Variants in RPH3AL observed in about 807,000 individuals in gnomAD.
RPH3AL encodes rab effector Noc2.
A neutral mutation model predicts 43.1 loss-of-function variants in RPH3AL; 38 were observed. That is an observed-to-expected ratio of 0.88 (90% CI 0.68 to 1.15). The LOEUF is 1.15. Among genes scored for constraint, RPH3AL ranks in the 50% most tolerant of loss-of-function variants. The probability of loss-of-function intolerance (pLI) is 0.00; values close to 1 mark genes in which losing one functional copy is unlikely to be tolerated. For missense variants in RPH3AL, 462 were observed against 423.2 expected, an observed-to-expected ratio of 1.09 and a Z score of -0.81; for synonymous variants, 189 against 176.3, an observed-to-expected ratio of 1.07 and a Z score of -0.57.
At chr17:298,013 C>T (rs184747702) in intron 5 of RPH3AL, among the ~76,000 whole-genome samples, 143 of 152,294 alleles carry the variant, frequency 9.4e-4, no homozygotes, top group Non-Finnish European at 8.8e-4. Flanking sequence ...AAGCCCACCA[C>T]GCCAGCCCCA....
intron 7 of RPH3AL, among the ~76,000 whole-genome samples, chr17:226,386 A>C (rs2041107495): frequency 6.6e-6 from 1 of 152,248 alleles, no homozygotes; most frequent in Admixed American, 6.5e-5. Flanking sequence ...GCCGTGAAGA[A>C]GCAGGGAAGA....
At chr17:315,118 A>G (rs199594117) in intron 5 of RPH3AL, among the ~76,000 whole-genome samples, 5 of 540 alleles carry the variant, frequency 9.3e-3, no homozygotes, top group Non-Finnish European at 0.016. Context: ...ACCTCCATTG[A>G]CCTGTAGTCT....
At chr17:266,859 G>A (rs1438729318) in intron 6 of RPH3AL, among the ~76,000 whole-genome samples, 1 of 152,230 alleles carries the variant, frequency 6.6e-6, no homozygotes, top group East Asian at 1.9e-4. Flanking sequence ...ACAATTACCG[G>A]TAAGGAGCAT....
Position 323,680 on chromosome 17 carries a change from T to A in RPH3AL, c.78-2265A>T, listed in dbSNP as rs1381804035. 6.6e-6 allele frequency among the ~76,000 whole-genome samples: 1 copy of A among 152,112 alleles called. No homozygotes were observed. Among genetic ancestry groups the A allele is most frequent in the Non-Finnish European group, 1.5e-5 (1 of 68,016 alleles). On this transcript the variant is annotated intron_variant, in intron 3 of 9. Transcript: ENST00000331302. The surrounding 1 kb of genome is among the most constrained non-coding windows in gnomAD (Gnocchi z 4.4). ...ACACACAGAAGGAGGGACAGAAGCA[T>A]CAGCACCGCCACCACTGCCTGTCCT...
intron 6 of RPH3AL, among the ~76,000 whole-genome samples, chr17:252,831 G>C (rs1008788389): frequency 6.6e-6 from 1 of 152,186 alleles, no homozygotes; most frequent in Admixed American, 6.5e-5. Context: ...TCCCAAATCT[G>C]AAAATCCAAA....
At chr17:336,056 G>A (rs1413358874) in intron 1 of RPH3AL, 4 of 14,158 alleles carry the variant, frequency 2.8e-4, no homozygotes, top group Non-Finnish European at 8.7e-4. Flanking sequence ...TTAGAGGAGG[G>A]AAAAGAAGCT....
In RPH3AL at chr17:343,884, C is replaced by A. The variant is rs374860793; in HGVS notation, c.-213+8828G>T. On this transcript the variant is annotated intron_variant, in intron 1 of 9. Transcript: ENST00000331302. ...AACACAACCAGCACAAAGCCTGTCA[C>A]AGTGTGCATTCTCAGGGTAGGGCCA... 5.3e-5 allele frequency among the ~76,000 whole-genome samples: 8 copies of A among 152,180 alleles called. No homozygotes were observed. In the East Asian group the frequency reaches 1.2e-3, roughly 22 times the overall value.
intron 8 of RPH3AL, among the ~76,000 whole-genome samples, chr17:217,130 A>G (rs1470334082): frequency 2.8e-5 from 4 of 141,916 alleles, no homozygotes; most frequent in Non-Finnish European, 4.6e-5. Context: ...AGGACCCCCA[A>G]GGCATTTAGT....
At chr17:332,036 T>TG (rs1567530795) in intron 2 of RPH3AL, 1 of 427,698 alleles carries the variant, frequency 2.3e-6, no homozygotes, top group South Asian at 1.9e-5. Context: ...GGTGGAGCTC[T>TG]GGGGGGAGCA....
intron 1 of RPH3AL, among the ~76,000 whole-genome samples, chr17:352,280 C>A (rs1026624688): frequency 3.3e-5 from 5 of 152,176 alleles, no homozygotes; most frequent in Non-Finnish European, 4.4e-5. Context: ...GATGCGTGGC[C>A]CCCATTCTCT....
At chr17:321,009 C>T (rs2044455085) in intron 4 of RPH3AL, among the ~76,000 whole-genome samples, 1 of 152,224 alleles carries the variant, frequency 6.6e-6, no homozygotes, top group African/African-American at 2.4e-5. Context: ...TCACCAGGCT[C>T]ATTCACGCCC....
chr17:291,739 C>A (rs182236865), intron 5 of RPH3AL, among the ~76,000 whole-genome samples: 1 of 151,996 alleles, frequency 6.6e-6, no homozygotes, highest in Non-Finnish European at 1.5e-5. Context: ...AGAAAAGTGA[C>A]GAAATGACAA....
At position 281,803 on chromosome 17, in the gene RPH3AL, G is replaced by T. The variant is rs1312005506; in HGVS notation, c.403C>A (p.Leu135Met). 1 of 1,614,150 alleles carries T rather than the reference G, an allele frequency of 6.2e-7. No homozygotes were observed. Among genetic ancestry groups the T allele is most frequent in the Admixed American group, 1.7e-5 (1 of 60,028 alleles). ...IEASPGQKRPLWLCKICSEQR... is the reference protein window; with the variant it reads ...IEASPGQKRPMWLCKICSEQR... ...TCACTGCAGATCTTACACAGCCACAGGGGCCGCTTCTGGCCAGGGGAGGCC... is the reference window on the plus strand; with the variant it reads ...TCACTGCAGATCTTACACAGCCACATGGGCCGCTTCTGGCCAGGGGAGGCC... Residue 135 changes from leucine (L) to methionine (M), a missense_variant, in exon 6 of 10, where the codon CTG becomes ATG. By Grantham distance (15) the Leu-to-Met change is conservative. Coordinates refer to ENST00000331302, the MANE Select transcript of RPH3AL (RefSeq NM_006987.4).
intron 2 of RPH3AL, chr17:331,484 C>A: frequency 9.3e-7 from 1 of 1,076,262 alleles, no homozygotes; most frequent in East Asian, 6.0e-5. Context: ...CGGCTGTGCA[C>A]CCCCACCCTG....
intron 3 of RPH3AL, among the ~76,000 whole-genome samples, chr17:324,702 G>GCTAGCTAGCTAGCTATCTATCTAT (rs1301592247): frequency 2.2e-4 from 26 of 119,924 alleles, no homozygotes; most frequent in South Asian, 7.8e-4. Flanking sequence ...TAGCTAGCTA[G>GCTAGCTAGCTAGCTATCTATCTAT]CTATGTACCT....
chr17:243,956 CCTT>C (rs2041670566), intron 7 of RPH3AL, among the ~76,000 whole-genome samples: 2 of 143,740 alleles, frequency 1.4e-5, no homozygotes, highest in African/African-American at 5.4e-5. Context: ...TACTGATTAC[CCTT>C]CCTCTACTGA....
chr17:345,706 C>G lies in RPH3AL; in HGVS notation c.-213+7006G>C, dbSNP rs558939847. 1.9e-4 allele frequency among the ~76,000 whole-genome samples: 23 copies of G among 120,790 alleles called. 3 individuals are homozygous for G. Among genetic ancestry groups the G allele is most frequent in the African/African-American group, 4.6e-4 (17 of 36,864 alleles). The allele number at this position is 120,790 out of a possible 152,430, so 79.2% of individuals were successfully genotyped here. A position where few individuals can be genotyped will look rare whatever the true frequency, so the allele number is the denominator to read the frequency against. On this transcript the variant is annotated intron_variant, in intron 1 of 9. Transcript: ENST00000331302. Reference sequence around the variant, plus strand: ...CACACCCTGCTGGGGCACGCGTGCTCCCCATCTGCGTGCATACCCTACTGG... The same window carrying G: ...CACACCCTGCTGGGGCACGCGTGCTGCCCATCTGCGTGCATACCCTACTGG...
At chr17:350,881 C>G (rs1458398668) in intron 1 of RPH3AL, among the ~76,000 whole-genome samples, 2 of 152,222 alleles carry the variant, frequency 1.3e-5, no homozygotes, top group African/African-American at 2.4e-5. Context: ...TGTCTGAACT[C>G]TGGCCCAGAG....
intron 7 of RPH3AL, among the ~76,000 whole-genome samples, chr17:228,878 G>A (rs2041164096): frequency 6.6e-6 from 1 of 152,148 alleles, no homozygotes; most frequent in African/African-American, 2.4e-5. Flanking sequence ...TGCAGTGTGG[G>A]AGAGAGCTCT....
Sources: allele counts gnomAD v4.1 joint callset (sites outside exome capture counted in the v4.1 genomes callset), GRCh38; gene constraint gnomAD v4.1.1; non-coding constraint Gnocchi (gnomAD v3.1); transcripts MANE v1.5; gene names NCBI Gene and HGNC (gene_info 2026-07-23, HGNC 2026-07-21).